The following RFTN1 variants were observed in gnomAD, a reference collection of about 807,000 sequenced individuals.
The protein encoded by RFTN1 is raftlin, lipid raft linker 1, also known as raftlin.
In RFTN1, 26 loss-of-function variants were observed where a neutral mutation model predicts 46.5. The observed-to-expected ratio is 0.56, with a 90% CI of 0.41 to 0.78. The LOEUF is 0.78. Ranked by LOEUF, RFTN1 falls within the 30% of genes least tolerant of loss-of-function variation. The probability of loss-of-function intolerance (pLI) is 0.00; values close to 1 mark genes in which losing one functional copy is unlikely to be tolerated. For synonymous variants in RFTN1, 261 were observed against 284.2 expected, an observed-to-expected ratio of 0.92 and a Z score of 0.82; for missense variants, 693 against 718.7, an observed-to-expected ratio of 0.96 and a Z score of 0.41.
intron 6 of RFTN1, among the ~76,000 whole-genome samples, chr3:16,368,290 G>A (rs1188101840): frequency 6.6e-6 from 1 of 152,218 alleles, no homozygotes; most frequent in Non-Finnish European, 1.5e-5. Context: ...AACTTTGTAA[G>A]TACCCACGGA....
rs1214331729 is a variant in RFTN1, at chr3:16,346,778, A to G, written c.1146+11154T>C. 6.6e-6 allele frequency among the ~76,000 whole-genome samples: 1 copy of G among 152,200 alleles called. No individual in the cohort carries two copies. Among genetic ancestry groups the G allele is most frequent in the African/African-American group, 2.4e-5 (1 of 41,448 alleles). ...TCTTCACGGTTGTCATCACATTTGC[A>G]TGAGACACCTAGAATTGCCACAGTC... is the stretch of plus-strand genomic sequence containing the variant. On this transcript the variant is annotated intron_variant, in intron 7 of 9. Coordinates refer to ENST00000334133, the MANE Select transcript of RFTN1 (RefSeq NM_015150.2). This position sits in a 1 kb window ranked among gnomAD's most constrained non-coding sequence, Gnocchi z 4.4.
rs2075661845 is a variant in RFTN1, at chr3:16,443,062, G to A, written c.146-9025C>T. On this transcript the variant is annotated intron_variant, in intron 2 of 9. Transcript: ENST00000334133. The surrounding 1 kb of genome is among the most constrained non-coding windows in gnomAD (Gnocchi z 5.5). ...AGTGCAGATATCTCTTCAACATACT[G>A]ATTTCATTTCCTTTGGAGAAATACC... 6.6e-6 allele frequency among the ~76,000 whole-genome samples: 1 copy of A among 152,182 alleles called. No homozygotes were observed. The highest frequency in any genetic ancestry group is 6.5e-5 in the Admixed American group (1 of 15,280).
In RFTN1 at chr3:16,421,038, T is replaced by C. The variant is rs1275183226; in HGVS notation, c.333-11555A>G. On this transcript the variant is annotated intron_variant, in intron 3 of 9. Coordinates refer to ENST00000334133, the MANE Select transcript of RFTN1 (RefSeq NM_015150.2). This position sits in a 1 kb window ranked among gnomAD's most constrained non-coding sequence, Gnocchi z 4.6. ...GCTGAGTGGATCAATTGTCTCCAAA[T>C]TTTTCTGATCACACAGCGTGCCAGA... Among the ~76,000 whole-genome samples the C allele has an allele frequency of 6.6e-6, 1 of 152,188 alleles. No homozygotes were observed. Among genetic ancestry groups the C allele is most frequent in the Non-Finnish European group, 1.5e-5 (1 of 68,038 alleles).
At position 16,488,411 on chromosome 3, in the gene RFTN1, T is replaced by C. The variant is rs567921583; in HGVS notation, c.145+5314A>G. Among the ~76,000 whole-genome samples the C allele has an allele frequency of 3.3e-5, 5 of 152,248 alleles. No homozygotes were observed. The East Asian group carries it at 9.6e-4, about 29-fold the overall frequency. On this transcript the variant is annotated intron_variant, in intron 2 of 9. Transcript: ENST00000334133. ...ACTGCACCCAGCTTATCCTCACTTT[T>C]TGGAAAATGCACATGGCACCCTTCC...
At chr3:16,369,180 C>G (rs1244843715) in intron 6 of RFTN1, among the ~76,000 whole-genome samples, 2 of 152,230 alleles carry the variant, frequency 1.3e-5, no homozygotes, top group African/African-American at 4.8e-5. Context: ...TCTCAGGATG[C>G]TTGCTGGCAT....
Position 16,512,519 on chromosome 3 carries a change from C to A in RFTN1, c.-9+923G>T, listed in dbSNP as rs551935646. On this transcript the variant is annotated intron_variant, in intron 1 of 9. Transcript: ENST00000334133. The surrounding 1 kb of genome is among the most constrained non-coding windows in gnomAD (Gnocchi z 4.3). ...AGGGATCACCCATAACCACACAGGG[C>A]AGCTGAGGGCAAGCACAGAGTCACA... Among the ~76,000 whole-genome samples, 8 of 152,192 alleles carry A rather than the reference C, an allele frequency of 5.3e-5. No individual in the cohort carries two copies. The East Asian group carries it at 7.7e-4, about 15-fold the overall frequency.
At chr3:16,349,577 T>A (rs1295127566) in intron 7 of RFTN1, 1 of 152,262 alleles carries the variant, frequency 6.6e-6, no homozygotes, top group Non-Finnish European at 1.5e-5. Context: ...TTTAAAATCA[T>A]GCTCAAAGCA....
At chr3:16,435,941 T>TATATATATATATA (rs1399653411) in intron 2 of RFTN1, among the ~76,000 whole-genome samples, 1 of 145,522 alleles carries the variant, frequency 6.9e-6, no homozygotes, top group African/African-American at 2.5e-5. Context: ...TATATATATA[T>TATATATATATATA]ATATCACACA....
chr3:16,426,593 A>G lies in RFTN1; in HGVS notation c.332+7258T>C, dbSNP rs2075293974. On this transcript the variant is annotated intron_variant, in intron 3 of 9. Transcript: ENST00000334133. This position sits in a 1 kb window ranked among gnomAD's most constrained non-coding sequence, Gnocchi z 5.9. Reference sequence around the variant, plus strand: ...CCTTTGAATGTCTTTTAAAAGAAAAAGAAGAGTGAAAAATAATGGACATCT... The same window carrying G: ...CCTTTGAATGTCTTTTAAAAGAAAAGGAAGAGTGAAAAATAATGGACATCT... Among the ~76,000 whole-genome samples the G allele has an allele frequency of 6.6e-6, 1 of 151,928 alleles. No individual in the cohort carries two copies. Among genetic ancestry groups the G allele is most frequent in the African/African-American group, 2.4e-5 (1 of 41,368 alleles).
At chr3:16,354,452 G>C (rs2072298638) in intron 7 of RFTN1, among the ~76,000 whole-genome samples, 1 of 152,232 alleles carries the variant, frequency 6.6e-6, no homozygotes, top group Non-Finnish European at 1.5e-5. Flanking sequence ...GACAGCACTG[G>C]GCAGTAAGCC....
chr3:16,467,380 C>T (rs988046026), intron 2 of RFTN1, among the ~76,000 whole-genome samples: 3 of 152,228 alleles, frequency 2.0e-5, no homozygotes, highest in African/African-American at 7.2e-5. Flanking sequence ...ATGCAGCCCC[C>T]TCCTTCTCAG....
At chr3:16,325,545 C>T (rs1186021333) in intron 8 of RFTN1, among the ~76,000 whole-genome samples, 2 of 152,202 alleles carry the variant, frequency 1.3e-5, no homozygotes, top group Non-Finnish European at 2.9e-5. Flanking sequence ...CAACATGACA[C>T]AGTGGGTAAG....
Position 16,385,112 on chromosome 3 carries a change from C to G in RFTN1, c.442-7010G>C, listed in dbSNP as rs2074123796. Among the ~76,000 whole-genome samples, 3 of 152,268 alleles carry G rather than the reference C, an allele frequency of 2.0e-5. No homozygotes were observed. Among genetic ancestry groups the G allele is most frequent in the South Asian group, 4.1e-4 (2 of 4,820 alleles). On this transcript the variant is annotated intron_variant, in intron 4 of 9. Transcript: ENST00000334133. This position sits in a 1 kb window ranked among gnomAD's most constrained non-coding sequence, Gnocchi z 5.0. ...ACATAGCACAGCACACGCAGGGAGC[C>G]CACAGCAGAGGCATGCCCTAGGTGT...
Position 16,443,232 on chromosome 3 carries a change from C to A in RFTN1, c.146-9195G>T, listed in dbSNP as rs1484252979. Reference sequence around the variant, plus strand: ...CTTATACTTCACATCCTCACCAACACTTCTTATCTCTTGTATTTTTGATAG... The same window carrying A: ...CTTATACTTCACATCCTCACCAACAATTCTTATCTCTTGTATTTTTGATAG... On this transcript the variant is annotated intron_variant, in intron 2 of 9. Transcript: ENST00000334133. This position sits in a 1 kb window ranked among gnomAD's most constrained non-coding sequence, Gnocchi z 5.5. Among the ~76,000 whole-genome samples, 2 of 152,232 alleles carry A rather than the reference C, an allele frequency of 1.3e-5. No homozygotes were observed. Among genetic ancestry groups the A allele is most frequent in the African/African-American group, 4.8e-5 (2 of 41,462 alleles).
At chr3:16,496,983 A>G (rs1284525747) in intron 1 of RFTN1, among the ~76,000 whole-genome samples, 2 of 152,224 alleles carry the variant, frequency 1.3e-5, no homozygotes, top group Non-Finnish European at 2.9e-5. Context: ...CACAAAAAGT[A>G]CATTCTTTCT....
At chr3:16,464,542 A>G (rs1185358309) in intron 2 of RFTN1, among the ~76,000 whole-genome samples, 1 of 152,216 alleles carries the variant, frequency 6.6e-6, no homozygotes, top group Non-Finnish European at 1.5e-5. Flanking sequence ...AAGTGTTTTC[A>G]TTGTCATAAT....
Position 16,402,192 on chromosome 3 carries a change from T to A in RFTN1, c.441+7183A>T, listed in dbSNP as rs1239169721. ...CACCTGAGTCACCCAGGTGTCATCCTTGGCACCTCTCTCTCCTTCAATGAC... is the reference window on the plus strand; with the variant it reads ...CACCTGAGTCACCCAGGTGTCATCCATGGCACCTCTCTCTCCTTCAATGAC... On this transcript the variant is annotated intron_variant, in intron 4 of 9. Coordinates refer to ENST00000334133, the MANE Select transcript of RFTN1 (RefSeq NM_015150.2). The surrounding 1 kb of genome is among the most constrained non-coding windows in gnomAD (Gnocchi z 4.5). Among the ~76,000 whole-genome samples, 1 of 152,228 alleles carries A rather than the reference T, an allele frequency of 6.6e-6. No individual in the cohort carries two copies. The highest frequency in any genetic ancestry group is 6.5e-5 in the Admixed American group (1 of 15,276).
chr3:16,467,914 C>T (rs920629903), intron 2 of RFTN1, among the ~76,000 whole-genome samples: 2 of 152,108 alleles, frequency 1.3e-5, no homozygotes, highest in African/African-American at 4.8e-5. Flanking sequence ...TTGGCAGCAC[C>T]CACCTAAGAG....
In RFTN1 at chr3:16,489,403, G is replaced by C. The variant is rs920669065; in HGVS notation, c.145+4322C>G. Among the ~76,000 whole-genome samples the C allele has an allele frequency of 5.3e-5, 8 of 152,090 alleles. No individual in the cohort carries two copies. Among genetic ancestry groups the C allele is most frequent in the Admixed American group, 4.6e-4 (7 of 15,274 alleles). ...ACCACACTCCAGCCTGGGCAACAGA[G>C]TGAGACTTCGCTTCAAAAAAAAATC... On this transcript the variant is annotated intron_variant, in intron 2 of 9. Transcript: ENST00000334133. This position sits in a 1 kb window ranked among gnomAD's most constrained non-coding sequence, Gnocchi z 4.0.
Sources: allele counts gnomAD v4.1 joint callset (sites outside exome capture counted in the v4.1 genomes callset), GRCh38; gene constraint gnomAD v4.1.1; non-coding constraint Gnocchi (gnomAD v3.1); transcripts MANE v1.5; gene names NCBI Gene and HGNC (gene_info 2026-07-23, HGNC 2026-07-21).